The following CDK8 variants were observed in gnomAD, a reference collection of about 807,000 sequenced individuals.
CDK8 encodes cyclin dependent kinase 8.
CDK8 carries 29 observed loss-of-function variants against 71.5 expected under a neutral mutation model. That is an observed-to-expected ratio of 0.41 (90% confidence interval 0.30 to 0.55). The LOEUF (loss-of-function observed/expected upper bound fraction) is 0.55, where lower values mean the gene tolerates loss of function less well. Ranked by LOEUF, CDK8 falls within the 20% of genes least tolerant of loss-of-function variation. The probability of loss-of-function intolerance (pLI) is 0.37; values close to 1 mark genes in which losing one functional copy is unlikely to be tolerated. For missense variants in CDK8, 288 were observed against 572.6 expected, an observed-to-expected ratio of 0.50 and a Z score of 5.07; for synonymous variants, 161 against 192.1, an observed-to-expected ratio of 0.84 and a Z score of 1.34.
chr13:26,365,811 G>A (rs1248437965), intron 4 of CDK8, among the ~76,000 whole-genome samples: 1 of 151,930 alleles, frequency 6.6e-6, no homozygotes. Flanking sequence ...CTCTGCCTGC[G>A]TCTTATATAA....
intron 2 of CDK8, among the ~76,000 whole-genome samples, chr13:26,342,478 A>G (rs1873285830): frequency 6.6e-6 from 1 of 152,134 alleles, no homozygotes; most frequent in South Asian, 2.1e-4. Flanking sequence ...AAAACAAGTT[A>G]TTTGATTTCT....
At position 26,349,060 on chromosome 13, in the gene CDK8, T is replaced by C; in HGVS notation, c.205-12T>C. 1 of 1,495,608 alleles carries C rather than the reference T, an allele frequency of 6.7e-7. No homozygotes were observed. 92.6% of individuals were successfully genotyped at this position (1,495,608 alleles called of 1,614,324 possible). On this transcript the variant is annotated splice_polypyrimidine_tract_variant and intron_variant, in intron 2 of 12. Transcript: ENST00000381527. ...TGACAGAAATAGTTAATGCATCTCC[T>C]TTGTTTTGCAGTTACTTCGAGAGCT... is the stretch of plus-strand genomic sequence containing the variant.
chr13:26,351,989 G>C (rs943895547), intron 3 of CDK8, among the ~76,000 whole-genome samples: 1 of 151,846 alleles, frequency 6.6e-6, no homozygotes, highest in South Asian at 2.1e-4. Flanking sequence ...TTAAAACATT[G>C]GTAAAAAAAG....
intron 1 of CDK8, among the ~76,000 whole-genome samples, chr13:26,270,245 T>A (rs1055175236): frequency 6.6e-6 from 1 of 151,838 alleles, no homozygotes; most frequent in African/African-American, 2.4e-5. Flanking sequence ...GAAAATTAGC[T>A]GGGTGTGGTG....
In CDK8 at chr13:26,404,449, A is replaced by G. The variant is rs1876419613; in HGVS notation, c.*368A>G. 7.4e-6 allele frequency: 2 copies of G among 271,282 alleles called. No individual in the cohort carries two copies. The highest frequency in any genetic ancestry group is 2.1e-4 in the South Asian group (2 of 9,304). The allele number at this position is 271,282 out of a possible 1,614,324, so 16.8% of individuals were successfully genotyped here. On this transcript the variant is annotated 3_prime_UTR_variant, in exon 13 of 13. Coordinates refer to ENST00000381527, the MANE Select transcript of CDK8 (RefSeq NM_001260.3). ...GTATGTGGTGAATTTTTTCAGTGTA[A>G]CAACATTATCTGACCAATAGTACAC...
intron 4 of CDK8, among the ~76,000 whole-genome samples, chr13:26,371,700 C>G (rs1408183031): frequency 6.6e-6 from 1 of 152,078 alleles, no homozygotes; most frequent in Non-Finnish European, 1.5e-5. Context: ...ACTGCAACCT[C>G]CGCCTCCCGG....
chr13:26,391,570 T>C (rs556739339), intron 6 of CDK8, among the ~76,000 whole-genome samples: 2 of 152,340 alleles, frequency 1.3e-5, no homozygotes, highest in South Asian at 4.1e-4. Context: ...CCATCCATCA[T>C]CCCTTTTTGT....
At chr13:26,283,859 C>T (rs1282798113) in intron 1 of CDK8, among the ~76,000 whole-genome samples, 1 of 150,408 alleles carries the variant, frequency 6.6e-6, no homozygotes, top group Non-Finnish European at 1.5e-5. Context: ...GATCATGCCA[C>T]TGCACTGCAG....
chr13:26,307,381 T>C (rs80074774), intron 1 of CDK8, among the ~76,000 whole-genome samples: 1,668 of 152,206 alleles, frequency 0.011, 63 homozygotes, highest in South Asian at 0.083. Context: ...CAGTGTGATA[T>C]TATGTGAGAA....
intron 1 of CDK8, among the ~76,000 whole-genome samples, chr13:26,260,257 G>A (rs533087671): frequency 2.0e-5 from 3 of 152,180 alleles, no homozygotes; most frequent in Admixed American, 1.3e-4. Flanking sequence ...CATTGTACCC[G>A]TTGGACATGG....
intron 1 of CDK8, among the ~76,000 whole-genome samples, chr13:26,317,264 G>A (rs897460852): frequency 4.6e-5 from 7 of 152,050 alleles, no homozygotes; most frequent in Non-Finnish European, 8.8e-5. Flanking sequence ...ACAACAGCAA[G>A]AAGATAAAAC....
chr13:26,330,735 G>C (rs186912214), intron 1 of CDK8, among the ~76,000 whole-genome samples: 39 of 152,094 alleles, frequency 2.6e-4, no homozygotes, highest in Admixed American at 5.9e-4. Context: ...TTGACCTCCA[G>C]TTTCGTCCAT....
Position 26,401,650 on chromosome 13 carries a change from C to T in CDK8, c.1269+26C>T. The T allele has an allele frequency of 6.2e-7, 1 of 1,610,808 alleles. No homozygotes were observed. Among genetic ancestry groups the T allele is most frequent in the Non-Finnish European group, 8.5e-7 (1 of 1,177,150 alleles). On this transcript the variant is annotated intron_variant, in intron 12 of 12. Coordinates refer to ENST00000381527, the MANE Select transcript of CDK8 (RefSeq NM_001260.3). This position sits in a 1 kb window ranked among gnomAD's most constrained non-coding sequence, Gnocchi z 4.5. ...GTATTCCAAGTTTATTTTGTATTGA[C>T]TGCATGTCAGTGTTTACATATGGGT... is the stretch of plus-strand genomic sequence containing the variant.
rs558297595 is a variant in CDK8 at position 26,403,637 on chromosome 13, G to A, written c.1270-319G>A. On this transcript the variant is annotated intron_variant, in intron 12 of 12. Transcript: ENST00000381527. ...TTTATGTATACATCATTAAGTTTCT[G>A]GGTAAACATCTCAAGCAAATTTACC... Among the ~76,000 whole-genome samples, 102 of 152,070 alleles carry A rather than the reference G, an allele frequency of 6.7e-4. 3 individuals carry two copies. In the South Asian group the frequency reaches 0.02, roughly 30 times the overall value.
At chr13:26,336,743 A>G (rs1410474198) in intron 1 of CDK8, among the ~76,000 whole-genome samples, 4 of 151,832 alleles carry the variant, frequency 2.6e-5, no homozygotes, top group Non-Finnish European at 5.9e-5. Context: ...TTTAGTAGAG[A>G]CAGGGTTTCG....
chr13:26,388,060 G>A (rs1875564500), intron 6 of CDK8, among the ~76,000 whole-genome samples: 1 of 152,168 alleles, frequency 6.6e-6, no homozygotes, highest in African/African-American at 2.4e-5. Flanking sequence ...AGTTACACTT[G>A]TATGACTTTG....
chr13:26,271,338 A>G (rs192029904), intron 1 of CDK8, among the ~76,000 whole-genome samples: 10 of 152,270 alleles, frequency 6.6e-5, no homozygotes, highest in Admixed American at 5.2e-4. Flanking sequence ...AGACACCTAG[A>G]TGGTATAGCC....
At chr13:26,273,881 C>T (rs968715828) in intron 1 of CDK8, among the ~76,000 whole-genome samples, 1 of 152,036 alleles carries the variant, frequency 6.6e-6, no homozygotes, top group Admixed American at 6.6e-5. Context: ...GCCACACAGA[C>T]TTTTTTAAGG....
chr13:26,313,608 T>C (rs953715074), intron 1 of CDK8, among the ~76,000 whole-genome samples: 2 of 152,238 alleles, frequency 1.3e-5, no homozygotes, highest in African/African-American at 4.8e-5. Context: ...CCAGCTATGC[T>C]TGGGAGATTT....
Sources: gnomAD v4.1 joint callset for allele counts (sites outside exome capture counted in the v4.1 genomes callset) on GRCh38, gnomAD v4.1.1 for gene constraint, Gnocchi (gnomAD v3.1) non-coding constraint, MANE v1.5 for transcripts, NCBI Gene and HGNC (gene_info 2026-07-23, HGNC 2026-07-21) for gene names.